DLGAP2: variants seen among roughly 807,000 people sequenced by gnomAD.
The protein encoded by DLGAP2 is disks large-associated protein 2.
DLGAP2 carries 26 observed loss-of-function variants against 100.3 expected under a neutral mutation model. The ratio of observed to expected loss-of-function variants is 0.26; its 90% CI spans 0.19 to 0.36. DLGAP2 has a LOEUF of 0.36. Among genes scored for constraint, DLGAP2 ranks in the 10% least tolerant of loss-of-function variants. DLGAP2 has a pLI of 1.00. For synonymous variants in DLGAP2, 886 were observed against 630.1 expected (o/e 1.41, Z -6.08); for missense variants, 1,858 against 1,453.2 (o/e 1.28, Z -4.53).
At chr8:1,516,435 G>A (rs1167717842) in intron 4 of DLGAP2, among the ~76,000 whole-genome samples, 2 of 123,458 alleles carry the variant, frequency 1.6e-5, no homozygotes, top group Non-Finnish European at 3.5e-5. Flanking sequence ...GAATGAGTGG[G>A]TGACTGAGGG....
chr8:1,336,485 G>A (rs373300115), intron 3 of DLGAP2, among the ~76,000 whole-genome samples: 1 of 152,182 alleles, frequency 6.6e-6, no homozygotes, highest in Non-Finnish European at 1.5e-5. Flanking sequence ...TTATGAGGAC[G>A]TTCCAGTGTG....
Position 1,565,505 on chromosome 8 carries a change from C to G in DLGAP2, c.1231-178C>G, listed in dbSNP as rs966827204. 5.3e-6 allele frequency: 3 copies of G among 570,290 alleles called. No individual in the cohort carries two copies. The Admixed American group carries it at 1.1e-4, about 21-fold the overall frequency. The allele number at this position is 570,290 out of a possible 1,614,324, so 35.3% of individuals were successfully genotyped here. Reference sequence around the variant, plus strand: ...ATCACTTATAATGAAGAAAAACCAACATTTTTATATTCATTTCCTTTTAGG... The same window carrying G: ...ATCACTTATAATGAAGAAAAACCAAGATTTTTATATTCATTTCCTTTTAGG... On this transcript the variant is annotated intron_variant, in intron 5 of 14. Coordinates refer to ENST00000637795, the MANE Select transcript of DLGAP2 (RefSeq NM_001346810.2).
chr8:965,780 A>G (rs138114242), intron 2 of DLGAP2, among the ~76,000 whole-genome samples: 3 of 142,756 alleles, frequency 2.1e-5, no homozygotes, highest in Non-Finnish European at 4.6e-5. Flanking sequence ...TGCACACGGC[A>G]CTGTTCACCA....
intron 3 of DLGAP2, among the ~76,000 whole-genome samples, chr8:1,343,526 C>G (rs10095583): frequency 6.6e-6 from 1 of 152,216 alleles, no homozygotes; most frequent in Non-Finnish European, 1.5e-5. Context: ...AGCAAAGACT[C>G]TCTCAGGCTG....
rs78599791 is a variant in DLGAP2 at position 1,497,550 on chromosome 8, A to G, written c.107-3816A>G. ...CCAGGAGAGAGAGATCTACCAGAAG[A>G]AGGAGGATTTCCTTGTCTCTTTAAG... On this transcript the variant is annotated intron_variant, in intron 3 of 14. Coordinates refer to ENST00000637795, the MANE Select transcript of DLGAP2 (RefSeq NM_001346810.2). Among the ~76,000 whole-genome samples, 1,479 of 152,324 alleles carry G rather than the reference A, an allele frequency of 9.7e-3. 24 individuals carry two copies. The highest frequency in any genetic ancestry group is 0.034 in the African/African-American group (1,413 of 41,570).
chr8:1,623,909 G>A (rs959808143), intron 6 of DLGAP2, among the ~76,000 whole-genome samples: 1 of 152,244 alleles, frequency 6.6e-6, no homozygotes, highest in Non-Finnish European at 1.5e-5. Context: ...CAACATTTAT[G>A]TGTCACACTC....
At chr8:1,504,849 C>T (rs1242745013) in intron 4 of DLGAP2, among the ~76,000 whole-genome samples, 1 of 152,182 alleles carries the variant, frequency 6.6e-6, no homozygotes, top group Non-Finnish European at 1.5e-5. Context: ...AGAGCAGATA[C>T]CCCTTCCACA....
chr8:913,859 G>A lies in DLGAP2; in HGVS notation c.73+5893G>A, dbSNP rs116694963. On this transcript the variant is annotated intron_variant, in intron 2 of 14. Coordinates refer to ENST00000637795, the MANE Select transcript of DLGAP2 (RefSeq NM_001346810.2). ...GAGGCAGAACAGCACGGTGTGGACCGGGAACCCTGACGTGGGAGCCGAAAG... is the reference window on the plus strand; with the variant it reads ...GAGGCAGAACAGCACGGTGTGGACCAGGAACCCTGACGTGGGAGCCGAAAG... Among the ~76,000 whole-genome samples, 924 of 152,318 alleles carry A rather than the reference G, an allele frequency of 6.1e-3. 9 individuals are homozygous for A. The highest frequency in any genetic ancestry group is 0.021 in the African/African-American group (861 of 41,576).
intron 1 of DLGAP2, among the ~76,000 whole-genome samples, chr8:814,882 A>G (rs1157718794): frequency 6.7e-6 from 1 of 150,044 alleles, no homozygotes; most frequent in Non-Finnish European, 1.5e-5. Flanking sequence ...AAGAAATACT[A>G]TCAACATTAT....
At chr8:813,645 C>T (rs530519180) in intron 1 of DLGAP2, among the ~76,000 whole-genome samples, 1 of 152,296 alleles carries the variant, frequency 6.6e-6, no homozygotes, top group South Asian at 2.1e-4. Context: ...GCTGATGCTG[C>T]TGGCTGAACC....
chr8:1,627,056 G>A (rs1045123152), intron 7 of DLGAP2, among the ~76,000 whole-genome samples, 169 bp downstream of exon 7: 6 of 152,240 alleles, frequency 3.9e-5, no homozygotes, highest in African/African-American at 1.4e-4. Context: ...GATTAGACTC[G>A]TGGACTTACT....
At chr8:1,437,000 G>A (rs942831834) in intron 3 of DLGAP2, among the ~76,000 whole-genome samples, 10 of 152,336 alleles carry the variant, frequency 6.6e-5, no homozygotes, top group Admixed American at 1.3e-4. Context: ...CGGCCCAGGC[G>A]TGTAGGGGCG....
intron 1 of DLGAP2, among the ~76,000 whole-genome samples, chr8:800,524 C>G (rs78082215): frequency 6.6e-6 from 1 of 152,208 alleles, no homozygotes; most frequent in Non-Finnish European, 1.5e-5. Context: ...GGGCCTGTGT[C>G]CTGCTGCCTT....
intron 3 of DLGAP2, among the ~76,000 whole-genome samples, chr8:1,290,166 C>T (rs905715333): frequency 2.0e-5 from 3 of 152,166 alleles, no homozygotes; most frequent in African/African-American, 7.2e-5. Context: ...TGAGTCATCA[C>T]AGGCCTCTGT....
intron 2 of DLGAP2, among the ~76,000 whole-genome samples, chr8:1,205,265 T>A (rs1797965525): frequency 6.6e-6 from 1 of 152,186 alleles, no homozygotes; most frequent in Admixed American, 6.5e-5. Flanking sequence ...TTATAGCTGA[T>A]GTCGAGGAGG....
chr8:1,651,596 A>G (rs1455308565), intron 8 of DLGAP2, among the ~76,000 whole-genome samples: 5 of 151,976 alleles, frequency 3.3e-5, no homozygotes, highest in Admixed American at 2.6e-4. Context: ...TGCCATGACC[A>G]CCCCACTCCT....
intron 3 of DLGAP2, among the ~76,000 whole-genome samples, chr8:1,428,406 C>G (rs1797297450): frequency 6.6e-6 from 1 of 152,084 alleles, no homozygotes; most frequent in Non-Finnish European, 1.5e-5. Flanking sequence ...AACTAGATCT[C>G]TCTTTCCTTG....
chr8:1,689,865 G>C (rs148771767), intron 12 of DLGAP2, among the ~76,000 whole-genome samples: 4 of 152,202 alleles, frequency 2.6e-5, no homozygotes, highest in Non-Finnish European at 5.9e-5. Flanking sequence ...AGCCACATAC[G>C]TGTACTGGGC....
chr8:883,649 G>T (rs1333928448), intron 1 of DLGAP2, among the ~76,000 whole-genome samples: 1 of 151,030 alleles, frequency 6.6e-6, no homozygotes, highest in East Asian at 2.0e-4. Flanking sequence ...GGGTGCCGCG[G>T]CGGTTCGTTA....
Sources: allele counts gnomAD v4.1 joint callset (sites outside exome capture counted in the v4.1 genomes callset), GRCh38; gene constraint gnomAD v4.1.1; transcripts MANE v1.5; gene names NCBI Gene and HGNC (gene_info 2026-07-23, HGNC 2026-07-21).